ERI1: variants seen among roughly 807,000 people sequenced by gnomAD.
ERI1 encodes 3'-5' exoribonuclease 1.
A neutral mutation model predicts 39.7 loss-of-function variants in ERI1; 39 were observed. That is an observed-to-expected ratio of 0.98 (90% CI 0.76 to 1.28). ERI1 has a LOEUF of 1.28. Among genes scored for constraint, ERI1 ranks in the 50% most tolerant of loss-of-function variants. ERI1 has a pLI of 0.00. For missense variants in ERI1, 581 were observed against 416.9 expected (o/e 1.39, Z -3.43); for synonymous variants, 204 against 149.6 (o/e 1.36, Z -2.65).
chr8:9,021,689 A>G (rs1228780916), intron 6 of ERI1, among the ~76,000 whole-genome samples: 1 of 151,184 alleles, frequency 6.6e-6, no homozygotes, highest in Non-Finnish European at 1.5e-5. Flanking sequence ...TAGTATTTAA[A>G]TGTATATCCT....
intron 1 of ERI1, 152 bp from the exon 2 acceptor site, chr8:9,007,818 T>C (rs760049508): frequency 1.3e-4 from 148 of 1,181,594 alleles, no homozygotes; most frequent in Middle Eastern, 3.0e-4. Context: ...TATCCTTTCC[T>C]CCGTTTAGGA....
In ERI1 at chr8:9,011,720, G is replaced by C. The variant is rs1426232030; in HGVS notation, c.466G>C (p.Val156Leu). The C allele has an allele frequency of 6.2e-7, 1 of 1,610,976 alleles. No individual in the cohort carries two copies. The change falls in exon 3 of 7, where the codon GTT becomes CTT. Residue 156 changes from valine to leucine, a missense_variant. Coordinates refer to ENST00000250263, the MANE Select transcript of ERI1 (RefSeq NM_153332.4). ...TGTACATGAAATAATTGAATTTCCGGTTGTTTTACTGAATACGCATACTTT... is the reference window on the plus strand; with the variant it reads ...TGTACATGAAATAATTGAATTTCCGCTTGTTTTACTGAATACGCATACTTT... ...EFVHEIIEFPVVLLNTHTLEI... is the reference protein window; with the variant it reads ...EFVHEIIEFPLVLLNTHTLEI...
intron 3 of ERI1, among the ~76,000 whole-genome samples, chr8:9,074,012 G>T (rs192901945): frequency 1.3e-5 from 2 of 151,910 alleles, no homozygotes; most frequent in African/African-American, 4.8e-5. Context: ...TCTTGAACTC[G>T]CAGGCTCAAG....
intron 3 of ERI1, among the ~76,000 whole-genome samples, chr8:9,084,015 G>A (rs1344940629): frequency 1.3e-5 from 2 of 152,078 alleles, no homozygotes. Context: ...GGATGGTCTC[G>A]ATCTCCTGAC....
At position 9,031,650 on chromosome 8, in the gene ERI1, C is replaced by T. The variant is rs1472898178; in HGVS notation, c.*1616C>T. On this transcript the variant is annotated 3_prime_UTR_variant, in exon 7 of 7. Coordinates refer to ENST00000250263, the MANE Select transcript of ERI1 (RefSeq NM_153332.4). ...AATATTACGTTTCCAGTTTTTTTAG[C>T]TCTATCTGCTAATTTCTTTGCCTGT... 2 of 152,130 alleles carry T rather than the reference C, an allele frequency of 1.3e-5. No homozygotes were observed. Among genetic ancestry groups the T allele is most frequent in the Non-Finnish European group, 2.9e-5 (2 of 68,020 alleles). 9.4% of individuals were successfully genotyped at this position (152,130 alleles called of 1,614,324 possible). A position where few individuals can be genotyped will look rare whatever the true frequency, so the allele number is the denominator to read the frequency against.
rs975666581 is a variant in ERI1 at position 9,030,986 on chromosome 8, A to T, written c.*952A>T. 1 of 152,234 alleles carries T rather than the reference A, an allele frequency of 6.6e-6. No homozygotes were observed. Among genetic ancestry groups the T allele is most frequent in the Non-Finnish European group, 1.5e-5 (1 of 68,034 alleles). The allele number at this position is 152,234 out of a possible 1,614,324, so 9.4% of individuals were successfully genotyped here. On this transcript the variant is annotated 3_prime_UTR_variant, in exon 7 of 7. Transcript: ENST00000250263. ...AAAAGACTTGTTTTTCTGATTTTAC[A>T]TAGTAAATGGCTGCTAAGTATTGAG... is the stretch of plus-strand genomic sequence containing the variant.
Position 9,018,375 on chromosome 8 carries a change from A to T in ERI1, c.661A>T (p.Thr221Ser). Reference protein sequence around the residue: ...IDWMKLKELGTKYKYSLLTDG... With the variant: ...IDWMKLKELGSKYKYSLLTDG... ...CTGGATGAAATTGAAGGAATTAGGAACAAAGTATAAATACTCACTTTTAAC... is the reference window on the plus strand; with the variant it reads ...CTGGATGAAATTGAAGGAATTAGGATCAAAGTATAAATACTCACTTTTAAC... Residue 221 changes from threonine to serine, a missense_variant, in exon 5 of 7, where the codon ACA (threonine) becomes TCA (serine). Transcript: ENST00000250263. 6.2e-7 allele frequency: 1 copy of T among 1,605,418 alleles called. No individual in the cohort carries two copies. The highest frequency in any genetic ancestry group is 1.3e-5 in the African/African-American group (1 of 74,918).
intron 3 of ERI1, 119 bp from the exon 4 acceptor site, chr8:9,016,203 A>G (rs1444988374): frequency 2.1e-6 from 1 of 470,300 alleles, no homozygotes; most frequent in Non-Finnish European, 3.8e-6. Context: ...AAAAACTGGA[A>G]GGGTTTATGC....
intron 2 of ERI1, among the ~76,000 whole-genome samples, chr8:9,010,452 A>G (rs1313974876): frequency 6.6e-6 from 1 of 152,248 alleles, no homozygotes; most frequent in Non-Finnish European, 1.5e-5. Context: ...AAGCAAAGAA[A>G]CAATATTAAG....
At chr8:9,004,862 A>G (rs1815812038) in intron 1 of ERI1, among the ~76,000 whole-genome samples, 1 of 151,762 alleles carries the variant, frequency 6.6e-6, no homozygotes, top group African/African-American at 2.4e-5. Flanking sequence ...TAGTTTTTGT[A>G]TTTTTAGTAG....
Position 9,016,099 on chromosome 8 carries a change from C to G in ERI1, c.499-223C>G, listed in dbSNP as rs73524221. The stretch of plus-strand genomic sequence containing the variant: ...TTAAATTTTGGGTTGAAATCTTTCA[C>G]ACACTCACTTTATCGTAAAATATTT... On this transcript the variant is annotated intron_variant, in intron 3 of 6. Transcript: ENST00000250263. Among the ~76,000 whole-genome samples, 836 of 152,252 alleles carry G rather than the reference C, an allele frequency of 5.5e-3. 8 individuals are homozygous for G. The highest frequency in any genetic ancestry group is 0.019 in the African/African-American group (785 of 41,528).
intron 3 of ERI1, among the ~76,000 whole-genome samples, chr8:9,050,523 AAT>A (rs1563357661): frequency 1.5e-5 from 2 of 133,594 alleles, no homozygotes; most frequent in East Asian, 2.1e-4. Context: ...AAAAAAAAAA[AAT>A]TCTAGGTCTG....
chr8:9,063,012 G>T (rs1278396110), intron 3 of ERI1, among the ~76,000 whole-genome samples: 1 of 152,172 alleles, frequency 6.6e-6, no homozygotes, highest in Non-Finnish European at 1.5e-5. Flanking sequence ...TGGAGGCAAG[G>T]AATTGCAACT....
In ERI1 at chr8:9,008,104, G is replaced by A. The variant is rs1035121178; in HGVS notation, c.243G>A (p.Lys81=). 1 of 1,609,000 alleles carries A rather than the reference G, an allele frequency of 6.2e-7. No homozygotes were observed. The highest frequency in any genetic ancestry group is 8.5e-7 in the Non-Finnish European group (1 of 1,178,266). Reference sequence around the variant, plus strand: ...ATGGCTGTATTAATAGAATGAGTAAGGAAGAACTCAGAGCTAAGCTTTCAG... The same window carrying A: ...ATGGCTGTATTAATAGAATGAGTAAAGAAGAACTCAGAGCTAAGCTTTCAG... ...ITNGCINRMS[K]EELRAKLSEF... Residue 81 remains lysine, a synonymous_variant, in exon 2 of 7, where the codon AAG becomes AAA. Coordinates refer to ENST00000250263, the MANE Select transcript of ERI1 (RefSeq NM_153332.4).
rs544863083 is a variant in ERI1 at position 9,055,405 on chromosome 8, C to T, written n.299+34941C>T. Among the ~76,000 whole-genome samples, 4 of 152,300 alleles carry T rather than the reference C, an allele frequency of 2.6e-5. No individual in the cohort carries two copies. In the South Asian group the frequency reaches 6.2e-4, roughly 24 times the overall value. On this transcript the variant is annotated intron_variant and non_coding_transcript_variant, in intron 3 of 3. Coordinates refer to the ERI1 transcript ENST00000518663. ...ACTTAACAGAACTGATGGTAATAAA[C>T]GGAATGGGGAAACCTAGCCAGGCTT...
intron 1 of ERI1, among the ~76,000 whole-genome samples, chr8:9,004,800 G>A (rs1815803396): frequency 6.7e-6 from 1 of 149,938 alleles, no homozygotes; most frequent in African/African-American, 2.5e-5. Context: ...TGATTCTCGT[G>A]CCTCAGCCTC....
intron 3 of ERI1, among the ~76,000 whole-genome samples, chr8:9,039,891 G>GT (rs1245863943): frequency 2.6e-5 from 4 of 152,096 alleles, no homozygotes; most frequent in East Asian, 1.9e-4. Flanking sequence ...ATTGTGGTCA[G>GT]TTTTTTTCAT....
At position 9,011,623 on chromosome 8, in the gene ERI1, T is replaced by A. The variant is rs147407638; in HGVS notation, c.369T>A (p.Ala123=). Residue 123 remains alanine (A), a synonymous_variant, in exon 3 of 7, where the codon GCT becomes GCA. Coordinates refer to ENST00000250263, the MANE Select transcript of ERI1 (RefSeq NM_153332.4). Reference sequence around the variant, plus strand: ...TGATGCTGAAAGAGAGCAATTTTGCTGACAGTTATTATGACTACATTTGTA... The same window carrying A: ...TGATGCTGAAAGAGAGCAATTTTGCAGACAGTTATTATGACTACATTTGTA... ...QKLMLKESNF[A]DSYYDYICII... 1 of 1,613,452 alleles carries A rather than the reference T, an allele frequency of 6.2e-7. No homozygotes were observed. The highest frequency in any genetic ancestry group is 1.3e-5 in the African/African-American group (1 of 74,936).
chr8:9,005,787 C>CCCGG (rs1815950542), intron 1 of ERI1, among the ~76,000 whole-genome samples: 1 of 152,210 alleles, frequency 6.6e-6, no homozygotes, highest in Non-Finnish European at 1.5e-5. Context: ...AGCCAACGCG[C>CCCGG]CCGGCCTCAA....
Sources: gnomAD v4.1 joint callset for allele counts (sites outside exome capture counted in the v4.1 genomes callset) on GRCh38, gnomAD v4.1.1 for gene constraint, MANE v1.5 for transcripts, NCBI Gene and HGNC (gene_info 2026-07-23, HGNC 2026-07-21) for gene names.